Variants in ZBTB7C observed in about 807,000 individuals in gnomAD.
ZBTB7C encodes zinc finger and BTB domain containing 7C, also known as zinc finger and BTB domain-containing protein 7C.
Under a neutral mutation model 25.7 loss-of-function variants are expected in ZBTB7C, and 8 were observed. The observed-to-expected ratio is 0.31, with a 90% CI of 0.18 to 0.56. The LOEUF is 0.56. ZBTB7C is among the 20% of genes least tolerant of loss of function. The pLI is 0.91. For missense variants in ZBTB7C, 824 were observed against 855.2 expected (o/e 0.96, Z 0.46); for synonymous variants, 394 against 369.0 (o/e 1.07, Z -0.78).
intron 2 of ZBTB7C, among the ~76,000 whole-genome samples, chr18:48,266,635 C>G (rs983862621): frequency 6.6e-6 from 1 of 152,212 alleles, no homozygotes; most frequent in African/African-American, 2.4e-5. Context: ...TCCACACAAC[C>G]CCCCTAGCAT....
At chr18:48,376,712 T>C (rs1401374320) in intron 1 of ZBTB7C, among the ~76,000 whole-genome samples, 1 of 152,232 alleles carries the variant, frequency 6.6e-6, no homozygotes, top group Non-Finnish European at 1.5e-5. Context: ...TGCTTTCCTG[T>C]GGCTGTAAGG....
At chr18:48,067,267 TA>T (rs1386251694) in intron 3 of ZBTB7C, among the ~76,000 whole-genome samples, 2 of 152,200 alleles carry the variant, frequency 1.3e-5, no homozygotes, top group Non-Finnish European at 2.9e-5. Flanking sequence ...CATAGTTTTA[TA>T]ATCTATGAGT....
chr18:48,314,573 G>A (rs1235990597), intron 2 of ZBTB7C, among the ~76,000 whole-genome samples: 6 of 152,206 alleles, frequency 3.9e-5, no homozygotes, highest in Admixed American at 3.9e-4. Flanking sequence ...TAGTGGCCAA[G>A]AGCTGCTAGG....
intron 2 of ZBTB7C, among the ~76,000 whole-genome samples, chr18:48,200,079 C>A (rs2042404822): frequency 6.6e-6 from 1 of 151,998 alleles, no homozygotes; most frequent in Non-Finnish European, 1.5e-5. Flanking sequence ...CTTAGCCACC[C>A]TGCCTGGAGA....
chr18:48,092,349 G>C (rs750593543), intron 3 of ZBTB7C, among the ~76,000 whole-genome samples: 1 of 152,228 alleles, frequency 6.6e-6, no homozygotes, highest in South Asian at 2.1e-4. Context: ...GAGCAGCTGC[G>C]CTGGGCCCAA....
At chr18:48,129,181 G>A (rs2039904684) in intron 3 of ZBTB7C, among the ~76,000 whole-genome samples, 3 of 152,022 alleles carry the variant, frequency 2.0e-5, no homozygotes, top group African/African-American at 7.3e-5. Flanking sequence ...AACGTGTGCT[G>A]CAAACGCCCG....
At chr18:48,331,560 G>A (rs779650628) in intron 2 of ZBTB7C, among the ~76,000 whole-genome samples, 2 of 152,142 alleles carry the variant, frequency 1.3e-5, no homozygotes, top group Non-Finnish European at 2.9e-5. Flanking sequence ...ACTGCATTAC[G>A]ATAGCCCATC....
At chr18:48,096,971 C>A (rs1440171362) in intron 3 of ZBTB7C, among the ~76,000 whole-genome samples, 2 of 152,224 alleles carry the variant, frequency 1.3e-5, no homozygotes, top group Non-Finnish European at 2.9e-5. Flanking sequence ...TGCTATTATT[C>A]CTATGGCCAC....
intron 4 of ZBTB7C, among the ~76,000 whole-genome samples, chr18:48,033,554 G>C (rs2035848185): frequency 6.6e-6 from 1 of 152,216 alleles, no homozygotes; most frequent in African/African-American, 2.4e-5. Context: ...GGGGCAAGGG[G>C]TGGGAAGAGT....
intron 1 of ZBTB7C, among the ~76,000 whole-genome samples, chr18:48,383,430 T>A (rs777601574): frequency 9.9e-5 from 15 of 151,926 alleles, no homozygotes; most frequent in Non-Finnish European, 1.9e-4. Context: ...CACCCCTGGC[T>A]AATTTTTGTA....
chr18:48,155,884 T>C (rs1333107521), intron 3 of ZBTB7C, among the ~76,000 whole-genome samples: 1 of 152,218 alleles, frequency 6.6e-6, no homozygotes, highest in African/African-American at 2.4e-5. Flanking sequence ...TGTGTGACTC[T>C]AACCGGGTTG....
rs551635529 is a variant in ZBTB7C, at chr18:48,259,647, T to C, written c.-78-73652A>G. On this transcript the variant is annotated intron_variant, in intron 2 of 4. Coordinates refer to ENST00000590800, the MANE Select transcript of ZBTB7C (RefSeq NM_001318841.2). ...ATATGCAACCCACATATCTGGAGTA[T>C]ATAACTCCCAAAGCTCAACAATAAG... Among the ~76,000 whole-genome samples the C allele has an allele frequency of 2.0e-5, 3 of 152,258 alleles. No individual in the cohort carries two copies. The East Asian group carries it at 5.8e-4, about 29-fold the overall frequency.
intron 3 of ZBTB7C, among the ~76,000 whole-genome samples, chr18:48,116,963 G>A (rs181338603): frequency 4.5e-4 from 68 of 152,106 alleles, no homozygotes; most frequent in African/African-American, 1.3e-3. Context: ...TAGCTCCCAC[G>A]GCACTTAGCA....
intron 2 of ZBTB7C, among the ~76,000 whole-genome samples, chr18:48,194,260 C>T (rs899048677): frequency 6.6e-6 from 1 of 152,234 alleles, no homozygotes; most frequent in Non-Finnish European, 1.5e-5. Flanking sequence ...CCCCACCCTA[C>T]CCCCTGCCCA....
At chr18:48,062,002 A>G (rs2037144059) in intron 3 of ZBTB7C, among the ~76,000 whole-genome samples, 4 of 152,246 alleles carry the variant, frequency 2.6e-5, no homozygotes, top group Admixed American at 2.0e-4. Context: ...CTGGGCACAC[A>G]GTGTACCTCT....
At chr18:48,059,922 C>A (rs1048402819) in intron 3 of ZBTB7C, among the ~76,000 whole-genome samples, 1 of 152,130 alleles carries the variant, frequency 6.6e-6, no homozygotes, top group African/African-American at 2.4e-5. Context: ...TGGGAGGGTG[C>A]GACCCTTCCC....
intron 3 of ZBTB7C, among the ~76,000 whole-genome samples, chr18:48,069,732 T>G (rs2037472568): frequency 6.6e-6 from 1 of 151,910 alleles, no homozygotes; most frequent in South Asian, 2.1e-4. Flanking sequence ...ACCACTGCAG[T>G]ATAAGCCTCC....
At chr18:48,268,812 A>G (rs1420150461) in intron 2 of ZBTB7C, among the ~76,000 whole-genome samples, 2 of 152,212 alleles carry the variant, frequency 1.3e-5, no homozygotes, top group Non-Finnish European at 2.9e-5. Context: ...TGCATATTAT[A>G]CTAGTCCATT....
At chr18:48,314,929 T>C (rs1261363529) in intron 2 of ZBTB7C, among the ~76,000 whole-genome samples, 2 of 152,188 alleles carry the variant, frequency 1.3e-5, no homozygotes, top group African/African-American at 4.8e-5. Context: ...CGGCTGTTAA[T>C]GGGTTTCCCT....
Sources: allele counts gnomAD v4.1 joint callset (sites outside exome capture counted in the v4.1 genomes callset), GRCh38; gene constraint gnomAD v4.1.1; transcripts MANE v1.5; gene names NCBI Gene and HGNC (gene_info 2026-07-23, HGNC 2026-07-21).